CCNY: variants seen among roughly 807,000 people sequenced by gnomAD.
The protein encoded by CCNY is cyclin Y, also known as cyclin-Y.
CCNY carries 19 observed loss-of-function variants against 42.8 expected under a neutral mutation model. The observed-to-expected ratio is 0.44, with a 90% CI of 0.31 to 0.65. CCNY has a LOEUF of 0.65. Among genes scored for constraint, CCNY ranks in the 30% least tolerant of loss-of-function variants. The pLI is 0.07. For missense variants in CCNY, 370 were observed against 437.3 expected, an observed-to-expected ratio of 0.85 and a Z score of 1.37; for synonymous variants, 165 against 162.7, an observed-to-expected ratio of 1.01 and a Z score of -0.11.
chr10:35,436,215 C>A (rs1471212756), intron 1 of CCNY, among the ~76,000 whole-genome samples: 1 of 152,138 alleles, frequency 6.6e-6, no homozygotes, highest in Admixed American at 6.5e-5. Flanking sequence ...TGGACATCGC[C>A]TTTTGGAAAG....
At chr10:35,550,323 A>G (rs1012019631) in intron 7 of CCNY, among the ~76,000 whole-genome samples, 2 of 152,018 alleles carry the variant, frequency 1.3e-5, no homozygotes, top group Non-Finnish European at 2.9e-5. Flanking sequence ...CCATGACCCT[A>G]CACTGCTCAT....
intron 3 of CCNY, 119 bp downstream of exon 3, chr10:35,501,654 G>T (rs1260761705): frequency 1.1e-6 from 1 of 877,762 alleles, no homozygotes; most frequent in Non-Finnish European, 1.9e-6. Flanking sequence ...GAAGAATGTT[G>T]CAGTGTACTT....
At chr10:35,294,476 C>T (rs183115369) in intron 3 of CCNY, among the ~76,000 whole-genome samples, 1 of 152,298 alleles carries the variant, frequency 6.6e-6, no homozygotes, top group African/African-American at 2.4e-5. Flanking sequence ...AAGATTGTTA[C>T]ATTTCATCAA....
At chr10:35,331,218 A>T (rs1247602077) in intron 3 of CCNY, among the ~76,000 whole-genome samples, 1 of 152,210 alleles carries the variant, frequency 6.6e-6, no homozygotes, top group Non-Finnish European at 1.5e-5. Flanking sequence ...GCCATTGGGG[A>T]GCACAGTAGC....
Position 35,480,963 on chromosome 10 carries a change from C to T in CCNY, c.155-2441C>T, listed in dbSNP as rs115681567. On this transcript the variant is annotated intron_variant, in intron 1 of 9. Transcript: ENST00000374704. ...CCTGGGTGACAGCGCAAGACCCCAT[C>T]TCAAAAACAAAAAAACAAACCAATG... Among the ~76,000 whole-genome samples, 1,035 of 152,236 alleles carry T rather than the reference C, an allele frequency of 6.8e-3. 11 individuals are homozygous for T. Among genetic ancestry groups the T allele is most frequent in the African/African-American group, 0.024 (989 of 41,550 alleles).
At chr10:35,531,151 A>G (rs746652245) in intron 7 of CCNY, among the ~76,000 whole-genome samples, 2 of 152,260 alleles carry the variant, frequency 1.3e-5, no homozygotes, top group African/African-American at 2.4e-5. Context: ...AGATTTAACA[A>G]TGGAACCCTT....
chr10:35,329,022 G>C (rs544487274), intron 3 of CCNY, among the ~76,000 whole-genome samples: 1 of 152,310 alleles, frequency 6.6e-6, no homozygotes, highest in African/African-American at 2.4e-5. Context: ...AATGCTGCTA[G>C]AGCAATGGAA....
At chr10:35,366,839 TCTTA>T (rs1369471663) in intron 1 of CCNY, among the ~76,000 whole-genome samples, 1 of 152,244 alleles carries the variant, frequency 6.6e-6, no homozygotes, top group Non-Finnish European at 1.5e-5. Flanking sequence ...GAATTTTAAA[TCTTA>T]CTTAATTTTA....
At chr10:35,436,127 G>A (rs1488127941) in intron 1 of CCNY, among the ~76,000 whole-genome samples, 1 of 152,174 alleles carries the variant, frequency 6.6e-6, no homozygotes, top group Non-Finnish European at 1.5e-5. Flanking sequence ...CCATGGGGAA[G>A]TGTGACATGG....
intron 2 of CCNY, among the ~76,000 whole-genome samples, chr10:35,248,703 G>A (rs1293817991): frequency 6.6e-6 from 1 of 152,012 alleles, no homozygotes; most frequent in East Asian, 1.9e-4. Context: ...TGGGTGCAGT[G>A]TGGCTCAAAC....
chr10:35,431,128 AAATT>A (rs1838385854), intron 1 of CCNY, among the ~76,000 whole-genome samples: 1 of 151,964 alleles, frequency 6.6e-6, no homozygotes, highest in Non-Finnish European at 1.5e-5. Context: ...AAAAAAAAAA[AAATT>A]AATACTTACA....
intron 1 of CCNY, among the ~76,000 whole-genome samples, chr10:35,450,689 G>T (rs921162265): frequency 3.3e-5 from 5 of 151,748 alleles, no homozygotes; most frequent in African/African-American, 1.2e-4. Context: ...ATTACCAGGA[G>T]ATTTTTCTTT....
rs59117826 is a variant in CCNY, at chr10:35,411,512, CAAAAA to C, written c.155-71873_155-71869del. ...CCTGGGTGACAGAGCAAGACTCTGTCAAAAAAAAAAAAAAAAAAAAAAAGATTTAG... is the reference window on the plus strand; with the variant it reads ...CCTGGGTGACAGAGCAAGACTCTGTCAAAAAAAAAAAAAAAAAAGATTTAG... On this transcript the variant is annotated intron_variant, in intron 1 of 9. Transcript: ENST00000374704. 6.5e-5 allele frequency among the ~76,000 whole-genome samples: 4 copies of C among 61,392 alleles called. No homozygotes were observed. In the East Asian group the frequency reaches 1.6e-3, roughly 25 times the overall value. The allele number at this position is 61,392 out of a possible 152,430, so 40.3% of individuals were successfully genotyped here.
At chr10:35,345,127 T>G (rs909849595) in intron 1 of CCNY, among the ~76,000 whole-genome samples, 2 of 152,166 alleles carry the variant, frequency 1.3e-5, no homozygotes, top group African/African-American at 4.8e-5. Context: ...TATTTCTAGT[T>G]CTAGATCCCT....
At chr10:35,516,013 T>A (rs1049404846) in intron 3 of CCNY, among the ~76,000 whole-genome samples, 5 of 152,232 alleles carry the variant, frequency 3.3e-5, no homozygotes, top group Non-Finnish European at 7.3e-5. Context: ...ATTATAACTT[T>A]ACCTGCTGAA....
At chr10:35,506,703 A>G (rs907449768) in intron 3 of CCNY, among the ~76,000 whole-genome samples, 11 of 152,172 alleles carry the variant, frequency 7.2e-5, no homozygotes, top group Non-Finnish European at 1.3e-4. Flanking sequence ...GGTCATTTTG[A>G]AAGCTACATT....
rs556765830 is a variant in CCNY at position 35,496,421 on chromosome 10, T to C, written c.230-5080T>C. 4.6e-5 allele frequency among the ~76,000 whole-genome samples: 7 copies of C among 152,366 alleles called. No individual in the cohort carries two copies. In the South Asian group the frequency reaches 1.4e-3, roughly 32 times the overall value. On this transcript the variant is annotated intron_variant, in intron 2 of 9. Coordinates refer to ENST00000374704, the MANE Select transcript of CCNY (RefSeq NM_145012.6). Reference sequence around the variant, plus strand: ...TCCCTTCCTTGGCCTGCTTGGGCTCTTCCCTAGTTTGCCAAAGAAAGAGTA... The same window carrying C: ...TCCCTTCCTTGGCCTGCTTGGGCTCCTCCCTAGTTTGCCAAAGAAAGAGTA...
At chr10:35,282,114 C>CTT (rs3066487) in intron 3 of CCNY, among the ~76,000 whole-genome samples, 166 of 87,852 alleles carry the variant, frequency 1.9e-3, no homozygotes, top group Non-Finnish European at 2.6e-3. Flanking sequence ...CATCTACACC[C>CTT]TTTTTTTTTT....
At chr10:35,462,980 G>A (rs1489713780) in intron 1 of CCNY, among the ~76,000 whole-genome samples, 1 of 152,252 alleles carries the variant, frequency 6.6e-6, no homozygotes, top group African/African-American at 2.4e-5. Context: ...GGCACTTTTG[G>A]AAAGTATAAA....
Sources: gnomAD v4.1 joint callset for allele counts (sites outside exome capture counted in the v4.1 genomes callset) on GRCh38, gnomAD v4.1.1 for gene constraint, MANE v1.5 for transcripts, NCBI Gene and HGNC (gene_info 2026-07-23, HGNC 2026-07-21) for gene names.